Variants in AGPAT5 observed in about 807,000 individuals in gnomAD.
The protein encoded by AGPAT5 is 1-acylglycerol-3-phosphate O-acyltransferase 5.
AGPAT5 carries 46 observed loss-of-function variants against 45.6 expected under a neutral mutation model. The ratio of observed to expected loss-of-function variants is 1.01; its 90% CI spans 0.80 to 1.29. The LOEUF is 1.29. AGPAT5 is among the 50% of genes most tolerant of loss of function. The probability of loss-of-function intolerance (pLI) is 0.00; values close to 1 mark genes in which losing one functional copy is unlikely to be tolerated. For synonymous variants in AGPAT5, 272 were observed against 167.0 expected (o/e 1.63, Z -4.85); for missense variants, 673 against 450.7 (o/e 1.49, Z -4.47).
chr8:6,733,458 C>G (rs1800939525), intron 4 of AGPAT5, among the ~76,000 whole-genome samples: 1 of 152,224 alleles, frequency 6.6e-6, no homozygotes, highest in Admixed American at 6.5e-5. Flanking sequence ...TGTTTATTCA[C>G]ATGCCTCTTC....
At chr8:6,729,339 T>C (rs1800787770) in intron 2 of AGPAT5, among the ~76,000 whole-genome samples, 1 of 112,648 alleles carries the variant, frequency 8.9e-6, no homozygotes, top group South Asian at 2.8e-4. Flanking sequence ...TTTTATTTTC[T>C]ACAGACTTTT....
chr8:6,740,742 G>A (rs1801221138), intron 4 of AGPAT5, among the ~76,000 whole-genome samples: 1 of 151,968 alleles, frequency 6.6e-6, no homozygotes, highest in Non-Finnish European at 1.5e-5. Context: ...ATGAAGGAAG[G>A]CTTCTGTACC....
intron 5 of AGPAT5, chr8:6,745,164 G>C (rs757551129): frequency 6.5e-6 from 1 of 153,760 alleles, no homozygotes; most frequent in Non-Finnish European, 1.5e-5. Context: ...TTCTTTGGAA[G>C]AAACTGCTGA....
intron 4 of AGPAT5, among the ~76,000 whole-genome samples, chr8:6,735,495 T>C (rs1381076082): frequency 6.6e-6 from 1 of 152,218 alleles, no homozygotes; most frequent in Non-Finnish European, 1.5e-5. Context: ...TTCTGCAAAA[T>C]TGTTAAAATT....
At chr8:6,726,216 A>C (rs1038345754) in intron 2 of AGPAT5, among the ~76,000 whole-genome samples, 24 of 152,194 alleles carry the variant, frequency 1.6e-4, no homozygotes, top group African/African-American at 5.8e-4. Context: ...TTCTAATACC[A>C]TTCTGCTTTT....
chr8:6,712,064 C>T (rs1354109766), intron 1 of AGPAT5, among the ~76,000 whole-genome samples: 1 of 152,198 alleles, frequency 6.6e-6, no homozygotes, highest in Non-Finnish European at 1.5e-5. Context: ...CTCCATAGTT[C>T]TGCCTATTCA....
At chr8:6,714,684 T>G (rs1003105456) in intron 1 of AGPAT5, among the ~76,000 whole-genome samples, 13 of 152,230 alleles carry the variant, frequency 8.5e-5, no homozygotes, top group Admixed American at 2.6e-4. Context: ...TTAGATTTCT[T>G]CCAAGAGCTT....
In AGPAT5 at chr8:6,732,595, T is replaced by A. The variant is rs1307725324; in HGVS notation, c.440T>A (p.Phe147Tyr). 2 of 1,610,948 alleles carry A rather than the reference T, an allele frequency of 1.2e-6. No individual in the cohort carries two copies. Among genetic ancestry groups the A allele is most frequent in the African/African-American group, 2.7e-5 (2 of 74,724 alleles). Residue 147 changes from phenylalanine (F) to tyrosine (Y), a missense_variant, in exon 4 of 8, where the codon TTT (phenylalanine) becomes TAT (tyrosine). Transcript: ENST00000285518. The stretch of plus-strand genomic sequence containing the variant: ...ATCTATGTAAAGCGCAGTGCCAAAT[T>A]TAACGAGAAAGAGATGCGAAACAAG... Reference protein sequence around the residue: ...GGIYVKRSAKFNEKEMRNKLQ... With the variant: ...GGIYVKRSAKYNEKEMRNKLQ...
rs1288353921 is a variant in AGPAT5 at position 6,760,241 on chromosome 8, A to C, written c.*2853A>C. On this transcript the variant is annotated 3_prime_UTR_variant, in exon 8 of 8. Transcript: ENST00000285518. ...AACCTGTCTACAAAAAAATTAAAAA[A>C]AATTAGCCAGGCATGGTGGCGTACA... Among the ~76,000 whole-genome samples, 2 of 152,132 alleles carry C rather than the reference A, an allele frequency of 1.3e-5. No homozygotes were observed. Among genetic ancestry groups the C allele is most frequent in the Non-Finnish European group, 2.9e-5 (2 of 68,036 alleles).
chr8:6,741,348 AT>A (rs1563299125), intron 4 of AGPAT5, among the ~76,000 whole-genome samples: 1 of 152,130 alleles, frequency 6.6e-6, no homozygotes, highest in Non-Finnish European at 1.5e-5. Flanking sequence ...GAGGCTTTGT[AT>A]GAGTCAGCGT....
At chr8:6,741,603 A>G (rs747449741) in intron 4 of AGPAT5, 58 bp from the exon 5 acceptor site, 69 of 1,242,990 alleles carry the variant, frequency 5.6e-5, no homozygotes, top group Non-Finnish European at 7.4e-5. Context: ...TTTTTAGGTT[A>G]ACAATAACAA....
intron 6 of AGPAT5, among the ~76,000 whole-genome samples, chr8:6,753,581 AC>A (rs1465803504): frequency 1.3e-5 from 2 of 152,136 alleles, no homozygotes; most frequent in Non-Finnish European, 2.9e-5. Flanking sequence ...TACTTTATAG[AC>A]TTGCACCCTT....
intron 1 of AGPAT5, chr8:6,709,257 A>C: frequency 3.6e-6 from 1 of 276,586 alleles, no homozygotes; most frequent in South Asian, 3.6e-5. Flanking sequence ...CAGATCGGAG[A>C]CGTCTACACT....
chr8:6,755,585 C>T (rs1320124885), intron 7 of AGPAT5, among the ~76,000 whole-genome samples: 2 of 152,136 alleles, frequency 1.3e-5, no homozygotes, highest in Non-Finnish European at 1.5e-5. Context: ...ACTATGCGGA[C>T]GTGCAGGTGG....
chr8:6,710,210 G>A (rs1800106863), intron 1 of AGPAT5, among the ~76,000 whole-genome samples: 1 of 152,186 alleles, frequency 6.6e-6, no homozygotes, highest in African/African-American at 2.4e-5. Flanking sequence ...ACCATTGAAG[G>A]ATTTTTTGGT....
At position 6,759,226 on chromosome 8, in the gene AGPAT5, G is replaced by C. The variant is rs983149079; in HGVS notation, c.*1838G>C. On this transcript the variant is annotated 3_prime_UTR_variant, in exon 8 of 8. Coordinates refer to ENST00000285518, the MANE Select transcript of AGPAT5 (RefSeq NM_018361.5). ...GATTTAATATATTTTGAATATAATG[G>C]GTATGTTCTAAATTTGAACTTTGAG... 6.6e-6 allele frequency: 1 copy of C among 152,096 alleles called. No individual in the cohort carries two copies. Among genetic ancestry groups the C allele is most frequent in the African/African-American group, 2.4e-5 (1 of 41,484 alleles). 9.4% of individuals were successfully genotyped at this position (152,096 alleles called of 1,614,324 possible). A position where few individuals can be genotyped will look rare whatever the true frequency, so the allele number is the denominator to read the frequency against.
chr8:6,758,681 C>T lies in AGPAT5; in HGVS notation c.*1293C>T, dbSNP rs183411459. The T allele has an allele frequency of 1.3e-5, 2 of 152,724 alleles. No individual in the cohort carries two copies. The highest frequency in any genetic ancestry group is 1.9e-4 in the East Asian group (1 of 5,182). 9.5% of individuals were successfully genotyped at this position (152,724 alleles called of 1,614,324 possible). On this transcript the variant is annotated 3_prime_UTR_variant, in exon 8 of 8. Coordinates refer to ENST00000285518, the MANE Select transcript of AGPAT5 (RefSeq NM_018361.5). ...AGTGGAGCTACACATTAATATGTAT[C>T]GCCTTAGAGCAAGAGCTGTGTTCCA...
At chr8:6,710,167 T>G (rs990595152) in intron 1 of AGPAT5, among the ~76,000 whole-genome samples, 1 of 152,228 alleles carries the variant, frequency 6.6e-6, no homozygotes, top group African/African-American at 2.4e-5. Flanking sequence ...ATGTTATTTT[T>G]GTTCAAAGAG....
intron 2 of AGPAT5, among the ~76,000 whole-genome samples, chr8:6,728,560 G>A (rs1800766327): frequency 6.6e-6 from 1 of 152,128 alleles, no homozygotes; most frequent in Non-Finnish European, 1.5e-5. Flanking sequence ...CTTGGGAGGG[G>A]CATGTGAGGC....
Sources: gnomAD v4.1 joint callset for allele counts (sites outside exome capture counted in the v4.1 genomes callset) on GRCh38, gnomAD v4.1.1 for gene constraint, MANE v1.5 for transcripts, NCBI Gene and HGNC (gene_info 2026-07-23, HGNC 2026-07-21) for gene names.